The following TLK1 variants were observed in gnomAD, a reference collection of about 807,000 sequenced individuals.
The protein encoded by TLK1 is serine/threonine-protein kinase tousled-like 1.
In TLK1, 24 loss-of-function variants were observed where a neutral mutation model predicts 105.3. The observed-to-expected ratio is 0.23, with a 90% confidence interval of 0.17 to 0.32. TLK1 has a LOEUF of 0.32. TLK1 is among the 10% of genes least tolerant of loss of function. The pLI is 1.00. For missense variants in TLK1, 558 were observed against 910.5 expected (o/e 0.61, Z 4.98); for synonymous variants, 321 against 310.4 (o/e 1.03, Z -0.36).
intron 1 of TLK1, among the ~76,000 whole-genome samples, chr2:171,171,652 A>G (rs930080997): frequency 1.3e-5 from 2 of 152,244 alleles, no homozygotes; most frequent in African/African-American, 4.8e-5. Flanking sequence ...AGTAGAAACA[A>G]ACAAAAACTT....
At position 171,028,420 on chromosome 2, in the gene TLK1, A is replaced by T. The variant is rs555559449; in HGVS notation, c.1170-15T>A. 6.4e-7 allele frequency: 1 copy of T among 1,563,110 alleles called. No homozygotes were observed. The highest frequency in any genetic ancestry group is 1.4e-5 in the African/African-American group (1 of 73,924). On this transcript the variant is annotated splice_polypyrimidine_tract_variant and intron_variant, in intron 11 of 20. Transcript: ENST00000431350. Reference sequence around the variant, plus strand: ...CCAAAGTCAACCTGTCAAAAATGAAATTTTAATTCTACATATTGAGATTAA... The same window carrying T: ...CCAAAGTCAACCTGTCAAAAATGAATTTTTAATTCTACATATTGAGATTAA...
chr2:171,116,638 T>G (rs1486057770), intron 2 of TLK1, among the ~76,000 whole-genome samples: 2 of 150,920 alleles, frequency 1.3e-5, no homozygotes, highest in African/African-American at 2.4e-5. Context: ...AGGCGGAGGT[T>G]GCAGTGAGCC....
At chr2:171,114,522 G>T (rs1160248426) in intron 2 of TLK1, among the ~76,000 whole-genome samples, 1 of 152,158 alleles carries the variant, frequency 6.6e-6, no homozygotes, top group African/African-American at 2.4e-5. Flanking sequence ...CCAAGCCAAA[G>T]AACACAGCAG....
At chr2:171,089,006 T>G (rs1465975925) in intron 2 of TLK1, among the ~76,000 whole-genome samples, 1 of 152,196 alleles carries the variant, frequency 6.6e-6, no homozygotes, top group East Asian at 1.9e-4. Context: ...CTCAGCCTTC[T>G]GAGTAGCTGG....
In TLK1 at chr2:171,190,185, A is replaced by T. The variant is rs1186667593; in HGVS notation, c.-6+40960T>A. Among the ~76,000 whole-genome samples, 11 of 152,144 alleles carry T rather than the reference A, an allele frequency of 7.2e-5. No individual in the cohort carries two copies. In the East Asian group the frequency reaches 1.9e-3, roughly 27 times the overall value. On this transcript the variant is annotated intron_variant, in intron 1 of 20. Coordinates refer to the TLK1 transcript ENST00000521943. ...CTGGAGTGGCAAGGGTTTTTGGGAG[A>T]TGAAGCTAAGGGGAAATTCAGTGGG...
chr2:170,996,802 A>G (rs1684085087), intron 19 of TLK1, 42 bp from the exon 20 acceptor site: 3 of 1,505,160 alleles, frequency 2.0e-6, no homozygotes, highest in Non-Finnish European at 2.7e-6. Context: ...TTCTCACAAA[A>G]TATTTAAACA....
chr2:171,134,164 CTA>C (rs1192249526), intron 1 of TLK1, among the ~76,000 whole-genome samples: 1 of 152,094 alleles, frequency 6.6e-6, no homozygotes, highest in Non-Finnish European at 1.5e-5. Context: ...ATGATTAATT[CTA>C]TATGACACAT....
chr2:171,026,746 A>G (rs546290588), intron 12 of TLK1, among the ~76,000 whole-genome samples: 1 of 152,278 alleles, frequency 6.6e-6, no homozygotes, highest in East Asian at 1.9e-4. Context: ...GCACACAGAT[A>G]CTTACGACTC....
At chr2:171,017,208 A>T (rs1685251503) in intron 12 of TLK1, among the ~76,000 whole-genome samples, 1 of 152,216 alleles carries the variant, frequency 6.6e-6, no homozygotes, top group South Asian at 2.1e-4. Context: ...GGAGTATGAA[A>T]GAATTTAAAT....
At chr2:171,008,541 C>T (rs1043276745) in intron 14 of TLK1, among the ~76,000 whole-genome samples, 1 of 152,166 alleles carries the variant, frequency 6.6e-6, no homozygotes, top group African/African-American at 2.4e-5. Flanking sequence ...ATATGTAACA[C>T]ATCTTCCTCC....
At chr2:171,089,344 C>T (rs1321359121) in intron 2 of TLK1, among the ~76,000 whole-genome samples, 1 of 152,156 alleles carries the variant, frequency 6.6e-6, no homozygotes, top group African/African-American at 2.4e-5. Flanking sequence ...TATGAAATCT[C>T]TGCCAATCTA....
intron 12 of TLK1, 100 bp from the exon 13 acceptor site, chr2:171,015,048 T>C (rs745845112): frequency 1.0e-5 from 9 of 859,526 alleles, no homozygotes; most frequent in East Asian, 2.4e-5. Context: ...ATGGGAAGAA[T>C]AGTATATTAT....
chr2:171,001,657 C>G (rs1002599754), intron 18 of TLK1, among the ~76,000 whole-genome samples: 2 of 152,232 alleles, frequency 1.3e-5, no homozygotes, highest in Non-Finnish European at 2.9e-5. Flanking sequence ...GCTCACTTCT[C>G]TTCCTTACAA....
At chr2:171,004,637 A>G (rs1575504448) in intron 18 of TLK1, among the ~76,000 whole-genome samples, 3 of 152,218 alleles carry the variant, frequency 2.0e-5, no homozygotes, top group African/African-American at 2.4e-5. Flanking sequence ...AGAGAGAAAC[A>G]AATAATGAGA....
chr2:171,032,085 G>GAAC (rs72322853), intron 11 of TLK1, among the ~76,000 whole-genome samples: 6 of 151,480 alleles, frequency 4.0e-5, no homozygotes, highest in South Asian at 2.1e-4. Flanking sequence ...GAAAAGAAAA[G>GAAC]AACAACAACA....
intron 1 of TLK1, among the ~76,000 whole-genome samples, chr2:171,188,717 A>AG (rs1304168460): frequency 6.6e-6 from 1 of 150,820 alleles, no homozygotes; most frequent in African/African-American, 2.4e-5. Context: ...AAAAAAAAAA[A>AG]AAAAAAAAGA....
At position 171,014,885 on chromosome 2, in the gene TLK1, C is replaced by T. The variant is rs2105373069; in HGVS notation, c.1300G>A (p.Glu434Lys). 6.2e-7 allele frequency: 1 copy of T among 1,613,702 alleles called. No individual in the cohort carries two copies. The highest frequency in any genetic ancestry group is 1.1e-5 in the South Asian group (1 of 91,044). The change falls in exon 13 of 21, where the codon GAG becomes AAG. Residue 434 changes from glutamate to lysine, a missense_variant. Around this residue, in one of 5 missense-constraint regions of TLK1, gnomAD observed 218 missense variants for 492.9 expected, o/e 0.44. Transcript: ENST00000431350. ...LERVRNLHIRELKRINNEDNS... is the reference protein window; with the variant it reads ...LERVRNLHIRKLKRINNEDNS... ...TCTTCATTGTTTATTCTTTTCAGCTCACGTATGTGAAGATTTCTGACTCTT... is the reference window on the plus strand; with the variant it reads ...TCTTCATTGTTTATTCTTTTCAGCTTACGTATGTGAAGATTTCTGACTCTT...
intron 10 of TLK1, 30 bp downstream of exon 10, chr2:171,049,784 A>G: frequency 1.2e-6 from 2 of 1,610,530 alleles, no homozygotes; most frequent in South Asian, 2.2e-5. Context: ...AACGAATACT[A>G]AAAACTTTTA....
intron 1 of TLK1, among the ~76,000 whole-genome samples, chr2:171,152,315 T>G (rs1472332073): frequency 6.6e-6 from 1 of 152,220 alleles, no homozygotes; most frequent in African/African-American, 2.4e-5. Flanking sequence ...CAGGTTAAAT[T>G]GCCTTCTTGA....
Sources: allele counts gnomAD v4.1 joint callset (sites outside exome capture counted in the v4.1 genomes callset), GRCh38; gene constraint gnomAD v4.1.1; regional missense constraint gnomAD v4.1.1; transcripts MANE v1.5; gene names NCBI Gene and HGNC (gene_info 2026-07-23, HGNC 2026-07-21).